The following SGK1 variants were observed in gnomAD, a reference collection of about 807,000 sequenced individuals.
The protein encoded by SGK1 is serum/glucocorticoid regulated kinase 1.
SGK1 carries 26 observed loss-of-function variants against 64.2 expected under a neutral mutation model. The observed-to-expected ratio is 0.40, with a 90% CI of 0.30 to 0.56. The LOEUF (loss-of-function observed/expected upper bound fraction) is 0.56, where lower values mean the gene tolerates loss of function less well. Ranked by LOEUF, SGK1 falls within the 20% of genes least tolerant of loss-of-function variation. The pLI is 0.38. For synonymous variants in SGK1, 265 were observed against 239.7 expected (o/e 1.11, Z -0.98); for missense variants, 519 against 645.6 (o/e 0.80, Z 2.12).
At chr6:134,287,960 T>C (rs1490012254) in intron 1 of SGK1, among the ~76,000 whole-genome samples, 1 of 152,182 alleles carries the variant, frequency 6.6e-6, no homozygotes, top group Non-Finnish European at 1.5e-5. Flanking sequence ...TATTTTGTCT[T>C]ACACAAAGAT....
At chr6:134,217,810 C>T (rs906409673) in intron 2 of SGK1, among the ~76,000 whole-genome samples, 3 of 152,160 alleles carry the variant, frequency 2.0e-5, no homozygotes, top group African/African-American at 4.8e-5. Flanking sequence ...ATACTTGACC[C>T]CACAAGAGAT....
intron 3 of SGK1, among the ~76,000 whole-genome samples, chr6:134,196,866 C>A (rs1177305722): frequency 6.6e-6 from 1 of 152,126 alleles, no homozygotes; most frequent in Non-Finnish European, 1.5e-5. Flanking sequence ...TAATTTTGGG[C>A]AGTGTTAATT....
At chr6:134,178,305 G>A in intron 3 of SGK1, among the ~76,000 whole-genome samples, 1 of 152,118 alleles carries the variant, frequency 6.6e-6, no homozygotes, top group Non-Finnish European at 1.5e-5. Context: ...TGTTGAGACT[G>A]GCTTTTCTTC....
chr6:134,211,140 G>A (rs891425508), intron 2 of SGK1, among the ~76,000 whole-genome samples: 3 of 151,480 alleles, frequency 2.0e-5, no homozygotes, highest in African/African-American at 7.3e-5. Context: ...AAAAAAAATT[G>A]TTAAAAGGAT....
chr6:134,191,332 A>G (rs1050273874), intron 3 of SGK1, among the ~76,000 whole-genome samples: 2 of 152,184 alleles, frequency 1.3e-5, no homozygotes, highest in Non-Finnish European at 2.9e-5. Flanking sequence ...CCCATACAAT[A>G]TTCCTGACAA....
At chr6:134,252,400 A>G (rs1163883167) in intron 2 of SGK1, among the ~76,000 whole-genome samples, 1 of 152,222 alleles carries the variant, frequency 6.6e-6, no homozygotes, top group Non-Finnish European at 1.5e-5. Flanking sequence ...GAACTCTTTC[A>G]CATGAAATTC....
chr6:134,276,131 C>G (rs1259580289), intron 1 of SGK1, among the ~76,000 whole-genome samples: 1 of 152,170 alleles, frequency 6.6e-6, no homozygotes, highest in Admixed American at 6.6e-5. Context: ...GAAAGAGACT[C>G]ACTATTACAT....
At chr6:134,258,595 C>T (rs1176640686) in intron 2 of SGK1, among the ~76,000 whole-genome samples, 1 of 152,096 alleles carries the variant, frequency 6.6e-6, no homozygotes, top group African/African-American at 2.4e-5. Context: ...ATCCCAGCTA[C>T]TTAGGAGGCT....
At chr6:134,259,277 C>T (rs540875807) in intron 2 of SGK1, among the ~76,000 whole-genome samples, 1 of 152,190 alleles carries the variant, frequency 6.6e-6, no homozygotes, top group South Asian at 2.1e-4. Context: ...GGCATGTGTG[C>T]TCTGTATAGG....
At chr6:134,308,076 C>CA (rs1777560508) in intron 1 of SGK1, among the ~76,000 whole-genome samples, 1 of 152,148 alleles carries the variant, frequency 6.6e-6, no homozygotes, top group Non-Finnish European at 1.5e-5. Flanking sequence ...TATACTACCC[C>CA]TCCACAGCCT....
intron 2 of SGK1, among the ~76,000 whole-genome samples, chr6:134,251,641 G>A (rs890194500): frequency 1.3e-5 from 2 of 152,156 alleles, no homozygotes; most frequent in Non-Finnish European, 2.9e-5. Flanking sequence ...ATGATTCCCT[G>A]GAGAGCTTAT....
chr6:134,298,444 G>A (rs1489234185), intron 1 of SGK1: 6 of 875,584 alleles, frequency 6.9e-6, no homozygotes, highest in Non-Finnish European at 1.2e-5. Context: ...GCGCAGGCCT[G>A]GATGTTGGGA....
At chr6:134,176,716 A>G (rs952290865) in intron 3 of SGK1, among the ~76,000 whole-genome samples, 2 of 152,214 alleles carry the variant, frequency 1.3e-5, no homozygotes, top group Admixed American at 6.5e-5. Flanking sequence ...CTGTCAAACC[A>G]GGAATAGCAT....
At chr6:134,298,218 C>A (rs1777392318) in intron 1 of SGK1, 12 of 1,565,548 alleles carry the variant, frequency 7.7e-6, no homozygotes, top group Non-Finnish European at 8.7e-6. Context: ...CTGCCTCCAG[C>A]TTCAGCTTCT....
chr6:134,292,062 CA>C (rs35485310), intron 1 of SGK1, among the ~76,000 whole-genome samples: 69 of 132,932 alleles, frequency 5.2e-4, no homozygotes, highest in Non-Finnish European at 5.2e-4. Context: ...GACTCTCTCT[CA>C]AAAAAAAAAA....
At chr6:134,184,109 C>T (rs191357323) in intron 3 of SGK1, among the ~76,000 whole-genome samples, 15 of 152,024 alleles carry the variant, frequency 9.9e-5, no homozygotes, top group African/African-American at 2.7e-4. Context: ...AGTGTCTGCC[C>T]GAGGGACTTT....
intron 1 of SGK1, among the ~76,000 whole-genome samples, chr6:134,307,908 C>T (rs1396300836): frequency 6.6e-6 from 1 of 152,194 alleles, no homozygotes; most frequent in Non-Finnish European, 1.5e-5. Context: ...TTTATTGATT[C>T]ATCAAGCATA....
At chr6:134,258,987 CAA>C (rs1010853922) in intron 2 of SGK1, among the ~76,000 whole-genome samples, 1 of 149,432 alleles carries the variant, frequency 6.7e-6, no homozygotes, top group Non-Finnish European at 1.5e-5. Context: ...AACCTTGTCT[CAA>C]AAAAAAAGTA....
Position 134,209,472 on chromosome 6 carries a change from G to T in SGK1, c.286-2041C>A, listed in dbSNP as rs1379471495. ...AACAAACAATCAAATATATTCTCAT[G>T]AAGTTAAATATAGATCTTAGTGTTA... On this transcript the variant is annotated intron_variant, in intron 2 of 13. Transcript: ENST00000367858. Among the ~76,000 whole-genome samples, 4 of 152,092 alleles carry T rather than the reference G, an allele frequency of 2.6e-5. No individual in the cohort carries two copies. In the East Asian group the frequency reaches 7.7e-4, roughly 29 times the overall value.
Sources: allele counts gnomAD v4.1 joint callset (sites outside exome capture counted in the v4.1 genomes callset), GRCh38; gene constraint gnomAD v4.1.1; transcripts MANE v1.5; gene names NCBI Gene and HGNC (gene_info 2026-07-23, HGNC 2026-07-21).